STXBP5L: variants seen among roughly 807,000 people sequenced by gnomAD.
The protein encoded by STXBP5L is syntaxin-binding protein 5-like.
A neutral mutation model predicts 144.5 loss-of-function variants in STXBP5L; 65 were observed. The ratio of observed to expected loss-of-function variants is 0.45; its 90% CI spans 0.37 to 0.55. The LOEUF is 0.55. Among genes scored for constraint, STXBP5L ranks in the 20% least tolerant of loss-of-function variants. The pLI is 0.00. For missense variants in STXBP5L, 1,298 were observed against 1,405.5 expected (o/e 0.92, Z 1.22); for synonymous variants, 505 against 469.6 (o/e 1.08, Z -0.97).
rs555755861 is a variant in STXBP5L at position 121,422,311 on chromosome 3, A to G, written c.*3214A>G. 2.0e-5 allele frequency: 3 copies of G among 152,206 alleles called. No individual in the cohort carries two copies. Among genetic ancestry groups the G allele is most frequent in the East Asian group, 1.9e-4 (1 of 5,202 alleles). The allele number at this position is 152,206 out of a possible 1,614,324, so 9.4% of individuals were successfully genotyped here. On this transcript the variant is annotated 3_prime_UTR_variant, in exon 27 of 27. Coordinates refer to ENST00000471454, the MANE Select transcript of STXBP5L (RefSeq NM_001308330.2). ...TTAGTTACCATCAAAATTACATTCT[A>G]TCTGCTAAAGCGACATCAGAAGATA...
chr3:121,051,381 A>G (rs1319269917), intron 5 of STXBP5L, among the ~76,000 whole-genome samples: 3 of 152,170 alleles, frequency 2.0e-5, no homozygotes, highest in African/African-American at 7.2e-5. Flanking sequence ...ATTATAACAA[A>G]CTGTCTCTCA....
At chr3:121,218,566 A>AACCCAG (rs2048876265) in intron 10 of STXBP5L, among the ~76,000 whole-genome samples, 2 of 152,020 alleles carry the variant, frequency 1.3e-5, no homozygotes, top group South Asian at 4.1e-4. Flanking sequence ...ATGGGAGCAC[A>AACCCAG]CAAAAAGAGC....
At chr3:121,186,971 G>A (rs61796884) in intron 9 of STXBP5L, among the ~76,000 whole-genome samples, 7 of 152,110 alleles carry the variant, frequency 4.6e-5, no homozygotes, top group Non-Finnish European at 8.8e-5. Flanking sequence ...TGGTGGGACT[G>A]TAAACTAGTT....
chr3:121,340,839 A>G (rs1308029314), intron 20 of STXBP5L, among the ~76,000 whole-genome samples: 1 of 152,104 alleles, frequency 6.6e-6, no homozygotes, highest in Non-Finnish European at 1.5e-5. Flanking sequence ...AGAAACAACA[A>G]AAAGTTAAAA....
chr3:121,354,552 C>T (rs1576266800), intron 20 of STXBP5L, among the ~76,000 whole-genome samples: 2 of 81,590 alleles, frequency 2.5e-5, no homozygotes, highest in Admixed American at 3.4e-4. Context: ...CTTTGTAGAT[C>T]TTCCTCTATC....
At chr3:121,201,724 CCCT>C (rs893160744) in intron 9 of STXBP5L, among the ~76,000 whole-genome samples, 1 of 151,500 alleles carries the variant, frequency 6.6e-6, no homozygotes, top group African/African-American at 2.4e-5. Context: ...GTGACAATAT[CCCT>C]CAACATTTGC....
chr3:121,066,006 G>A (rs1014813601), intron 5 of STXBP5L, among the ~76,000 whole-genome samples: 2 of 152,116 alleles, frequency 1.3e-5, no homozygotes, highest in Admixed American at 6.5e-5. Context: ...AACCAATAAG[G>A]GTGTGAGTTT....
chr3:121,320,416 C>A (rs571193749), intron 20 of STXBP5L, among the ~76,000 whole-genome samples: 1 of 151,914 alleles, frequency 6.6e-6, no homozygotes, highest in East Asian at 1.9e-4. Flanking sequence ...GGATTATCTA[C>A]GTATCTAAGT....
intron 3 of STXBP5L, among the ~76,000 whole-genome samples, chr3:121,004,954 A>G (rs1287849902): frequency 6.6e-6 from 1 of 152,128 alleles, no homozygotes; most frequent in Non-Finnish European, 1.5e-5. Context: ...TCGGTTTGCC[A>G]GTATTTTGTT....
At chr3:121,087,466 T>G (rs554345781) in intron 5 of STXBP5L, among the ~76,000 whole-genome samples, 1 of 152,196 alleles carries the variant, frequency 6.6e-6, no homozygotes, top group East Asian at 1.9e-4. Context: ...ACTGTGAAAT[T>G]TTCATTATCT....
chr3:121,096,764 G>C (rs913848664), intron 5 of STXBP5L, among the ~76,000 whole-genome samples: 14 of 152,304 alleles, frequency 9.2e-5, no homozygotes, highest in South Asian at 2.1e-4. Context: ...GAGCTCTCCT[G>C]TATGAGGTTT....
intron 2 of STXBP5L, 84 bp downstream of exon 2, chr3:120,909,851 A>G (rs1437618515): frequency 1.0e-5 from 14 of 1,375,242 alleles, no homozygotes; most frequent in Non-Finnish European, 1.4e-5. Flanking sequence ...TACCAGGAAC[A>G]GGAAACTGTT....
intron 9 of STXBP5L, among the ~76,000 whole-genome samples, chr3:121,178,584 G>A (rs1013448098): frequency 2.6e-5 from 4 of 152,080 alleles, no homozygotes; most frequent in African/African-American, 9.7e-5. Context: ...TAAAATAAAA[G>A]GGGAAACAAG....
rs1031595779 is a variant in STXBP5L, at chr3:121,341,287, T to G, written c.2176+22747T>G. On this transcript the variant is annotated intron_variant, in intron 20 of 26. Transcript: ENST00000471454. Reference sequence around the variant, plus strand: ...AACAAGCACATAAAGGTGCTCGACATCCTTGATCTTCAGAGAAATGCAAAT... The same window carrying G: ...AACAAGCACATAAAGGTGCTCGACAGCCTTGATCTTCAGAGAAATGCAAAT... Among the ~76,000 whole-genome samples, 5 of 152,270 alleles carry G rather than the reference T, an allele frequency of 3.3e-5. No individual in the cohort carries two copies. The South Asian group carries it at 1.0e-3, about 32-fold the overall frequency.
intron 20 of STXBP5L, among the ~76,000 whole-genome samples, chr3:121,347,778 G>T (rs1315897894): frequency 1.2e-4 from 18 of 152,104 alleles, no homozygotes; most frequent in Non-Finnish European, 8.8e-5. Flanking sequence ...TGGTGTATAA[G>T]AATGCTTGTG....
At chr3:121,038,913 T>C (rs1946949514) in intron 3 of STXBP5L, among the ~76,000 whole-genome samples, 1 of 151,994 alleles carries the variant, frequency 6.6e-6, no homozygotes, top group Non-Finnish European at 1.5e-5. Context: ...TTTCCACCTA[T>C]ATCTTAATTA....
At chr3:121,184,734 G>C (rs867095810) in intron 9 of STXBP5L, among the ~76,000 whole-genome samples, 2 of 151,996 alleles carry the variant, frequency 1.3e-5, no homozygotes, top group African/African-American at 4.8e-5. Context: ...GATACTCCTC[G>C]AGAAAAGCAA....
intron 3 of STXBP5L, among the ~76,000 whole-genome samples, chr3:120,976,163 C>G (rs1308885101): frequency 6.6e-6 from 1 of 152,160 alleles, no homozygotes; most frequent in Admixed American, 6.6e-5. Context: ...GGCTGTGAAT[C>G]CATCTGGTCC....
intron 5 of STXBP5L, among the ~76,000 whole-genome samples, chr3:121,105,928 T>C (rs1198422254): frequency 3.9e-5 from 6 of 152,178 alleles, no homozygotes; most frequent in African/African-American, 1.4e-4. Flanking sequence ...ATTTTGTTTT[T>C]ATACCTAAGT....
Sources: allele counts gnomAD v4.1 joint callset (sites outside exome capture counted in the v4.1 genomes callset), GRCh38; gene constraint gnomAD v4.1.1; transcripts MANE v1.5; gene names NCBI Gene and HGNC (gene_info 2026-07-23, HGNC 2026-07-21).